The following ARHGAP8 variants were observed in gnomAD, a reference collection of about 807,000 sequenced individuals.
ARHGAP8 encodes the protein Rho GTPase activating protein 8.
In ARHGAP8, 62 loss-of-function variants were observed where a neutral mutation model predicts 46.1. The ratio of observed to expected loss-of-function variants is 1.34; its 90% CI spans 1.10 to 1.66. ARHGAP8 has a LOEUF of 1.66. ARHGAP8 is among the 40% of genes most tolerant of loss of function. The pLI is 0.00. For synonymous variants in ARHGAP8, 375 were observed against 243.1 expected (o/e 1.54, Z -5.05); for missense variants, 923 against 568.4 (o/e 1.62, Z -6.34).
At chr22:44,815,078 C>T (rs1330912454) in intron 5 of ARHGAP8, among the ~76,000 whole-genome samples, 1 of 152,194 alleles carries the variant, frequency 6.6e-6, no homozygotes, top group Non-Finnish European at 1.5e-5. Flanking sequence ...GTCAGGAAAG[C>T]TGTTATCTTC....
intron 3 of ARHGAP8, among the ~76,000 whole-genome samples, chr22:44,807,502 C>A (rs1043430016): frequency 6.6e-6 from 1 of 152,112 alleles, no homozygotes; most frequent in Admixed American, 6.5e-5. Context: ...AATTGCTTGC[C>A]TTAGAAATGC....
intron 3 of ARHGAP8, among the ~76,000 whole-genome samples, chr22:44,804,920 T>TG (rs1602201458): frequency 6.6e-6 from 1 of 152,312 alleles, no homozygotes; most frequent in East Asian, 1.9e-4. Context: ...CCAGTGCTGC[T>TG]GCTGCACGGC....
chr22:44,847,696 GC>G (rs1294199819), intron 8 of ARHGAP8, among the ~76,000 whole-genome samples: 3 of 152,196 alleles, frequency 2.0e-5, no homozygotes, highest in Non-Finnish European at 4.4e-5. Flanking sequence ...GCTCAGAGAG[GC>G]CGAGAGCTTT....
chr22:44,837,406 A>C (rs906040492), intron 7 of ARHGAP8, among the ~76,000 whole-genome samples: 10 of 152,146 alleles, frequency 6.6e-5, no homozygotes, highest in Non-Finnish European at 1.2e-4. Context: ...GCTGACCAAC[A>C]AACTGTGCTC....
rs777372714 is a variant in ARHGAP8, at chr22:44,848,063, C to G, written c.748+13C>G. The G allele has an allele frequency of 1.2e-6, 2 of 1,604,238 alleles. No homozygotes were observed. Among genetic ancestry groups the G allele is most frequent in the African/African-American group, 1.3e-5 (1 of 74,924 alleles). On this transcript the variant is annotated intron_variant, in intron 9 of 11. Transcript: ENST00000356099. The stretch of plus-strand genomic sequence containing the variant: ...CTCTACAACCAAGGTGAGGGTGTCC[C>G]GCAGTCCTGAGCCCCGAGCTGCCTG...
At chr22:44,835,313 T>G (rs1931211291) in intron 7 of ARHGAP8, among the ~76,000 whole-genome samples, 1 of 152,018 alleles carries the variant, frequency 6.6e-6, no homozygotes, top group Non-Finnish European at 1.5e-5. Flanking sequence ...TATAACCATC[T>G]AGTTCTAATT....
chr22:44,856,253 CCTTTTTTTTTTTTTTTTT>C lies in ARHGAP8; in HGVS notation c.878-3477_878-3460del, dbSNP rs146670805. Among the ~76,000 whole-genome samples the C allele has an allele frequency of 3.6e-3, 405 of 111,110 alleles. 1 individual carries two copies. The highest frequency in any genetic ancestry group is 0.017 in the African/African-American group (388 of 23,342). 72.9% of individuals were successfully genotyped at this position (111,110 alleles called of 152,430 possible). On this transcript the variant is annotated intron_variant, in intron 10 of 11. Transcript: ENST00000356099. ...TTACTGTCTGGCCAGCTATAAATTCCCTTTTTTTTTTTTTTTTTTTTTTTTTTTTTTTTTTTGAGACAA... is the reference window on the plus strand; with the variant it reads ...TTACTGTCTGGCCAGCTATAAATTCCTTTTTTTTTTTTTTTTTTGAGACAA...
chr22:44,814,764 C>T lies in ARHGAP8; in HGVS notation c.386+6C>T, dbSNP rs376339972. ...ATCTTGAAGCCCCTCATCAGGTATGCGTCACTCTGGGAGAGGACCTCGCTG... is the reference window on the plus strand; with the variant it reads ...ATCTTGAAGCCCCTCATCAGGTATGTGTCACTCTGGGAGAGGACCTCGCTG... On this transcript the variant is annotated splice_donor_region_variant and intron_variant, in intron 5 of 11. Coordinates refer to ENST00000356099, the MANE Select transcript of ARHGAP8 (RefSeq NM_181335.3). 31 of 1,613,756 alleles carry T rather than the reference C, an allele frequency of 1.9e-5. No individual in the cohort carries two copies. The highest frequency in any genetic ancestry group is 3.3e-5 in the South Asian group (3 of 91,042).
chr22:44,753,612 T>TGG (rs3838171), intron 1 of ARHGAP8, among the ~76,000 whole-genome samples: 2 of 32,864 alleles, frequency 6.1e-5, no homozygotes, highest in East Asian at 9.7e-4. Flanking sequence ...CTCAATCCTG[T>TGG]GGGGGGTGGG....
chr22:44,808,370 C>T lies in ARHGAP8; in HGVS notation c.231C>T (p.Tyr77=), dbSNP rs571482121. 2.6e-5 allele frequency: 42 copies of T among 1,614,242 alleles called. No individual in the cohort carries two copies. The highest frequency in any genetic ancestry group is 3.3e-4 in the Middle Eastern group (2 of 6,062). The change falls in exon 4 of 12, where the codon TAC becomes TAT. Residue 77 remains tyrosine, a synonymous_variant. Coordinates refer to ENST00000356099, the MANE Select transcript of ARHGAP8 (RefSeq NM_181335.3). ...ATTATACCATCGTCTATTTCCACTA[C>T]GGGCTGAACAGCCGGAACAAGCCTT... is the stretch of plus-strand genomic sequence containing the variant. ...ENDYTIVYFH[Y]GLNSRNKPSL... is the part of the protein sequence containing the mutation.
At chr22:44,771,396 G>A (rs549538778) in intron 1 of ARHGAP8, among the ~76,000 whole-genome samples, 1 of 151,660 alleles carries the variant, frequency 6.6e-6, no homozygotes, top group African/African-American at 2.4e-5. Flanking sequence ...ACAGGCGCCC[G>A]CCACCACGCC....
rs1041419469 is a variant in ARHGAP8 at position 44,848,104 on chromosome 22, G to A, written c.748+54G>A. On this transcript the variant is annotated intron_variant, in intron 9 of 11. Transcript: ENST00000356099. ...GAGCTGCCTGGTCAGCGAGCACAGC[G>A]CTCCGGGGCCTCAGAGCGGAGGCAG... is the stretch of plus-strand genomic sequence containing the variant. 1.6e-5 allele frequency: 25 copies of A among 1,594,676 alleles called. No homozygotes were observed. In the African/African-American group the frequency reaches 1.9e-4, roughly 12 times the overall value.
intron 10 of ARHGAP8, chr22:44,849,301 C>A: frequency 1.6e-6 from 1 of 624,926 alleles, no homozygotes; most frequent in Non-Finnish European, 2.6e-6. Flanking sequence ...AGGCCGGTCT[C>A]TCAGGCACAG....
intron 1 of ARHGAP8, among the ~76,000 whole-genome samples, chr22:44,754,667 G>T (rs1427791258): frequency 6.6e-6 from 1 of 152,064 alleles, no homozygotes; most frequent in African/African-American, 2.4e-5. Context: ...ACCCGGCCGA[G>T]TCATTGAAAC....
intron 5 of ARHGAP8, among the ~76,000 whole-genome samples, chr22:44,815,855 T>G (rs1201411638): frequency 6.6e-6 from 1 of 150,664 alleles, no homozygotes; most frequent in South Asian, 2.1e-4. Context: ...ATGACGGGGG[T>G]GGGGTGGGGA....
At chr22:44,840,484 C>G (rs528603769) in intron 7 of ARHGAP8, among the ~76,000 whole-genome samples, 34 of 151,890 alleles carry the variant, frequency 2.2e-4, no homozygotes, top group African/African-American at 7.7e-4. Flanking sequence ...TCTTTGTGAT[C>G]CTGTCCGGTA....
At chr22:44,827,461 G>A (rs1930620237) in intron 7 of ARHGAP8, among the ~76,000 whole-genome samples, 1 of 144,160 alleles carries the variant, frequency 6.9e-6, no homozygotes, top group Admixed American at 7.4e-5. Flanking sequence ...TCCTGCCTCA[G>A]CCTCCCAAGT....
At chr22:44,848,491 C>T (rs2070015910) in intron 9 of ARHGAP8, among the ~76,000 whole-genome samples, 1 of 152,240 alleles carries the variant, frequency 6.6e-6, no homozygotes. Context: ...AAGGCGCTGT[C>T]TTGCTGACAA....
chr22:44,768,036 G>C (rs1158996957), intron 1 of ARHGAP8, among the ~76,000 whole-genome samples: 1 of 92,878 alleles, frequency 1.1e-5, no homozygotes, highest in Non-Finnish European at 1.9e-5. Flanking sequence ...GTCTTGCTCT[G>C]TCACCCAGGC....
Sources: gnomAD v4.1 joint callset for allele counts (sites outside exome capture counted in the v4.1 genomes callset) on GRCh38, gnomAD v4.1.1 for gene constraint, MANE v1.5 for transcripts, NCBI Gene and HGNC (gene_info 2026-07-23, HGNC 2026-07-21) for gene names.